Variants in RFT1 observed in about 807,000 individuals in gnomAD.
RFT1 encodes the protein RFT1 glycolipid translocator homolog, also known as man(5)GlcNAc(2)-PP-dolichol translocation protein RFT1.
In RFT1, 43 loss-of-function variants were observed where a neutral mutation model predicts 62.2. The observed-to-expected ratio is 0.69, with a 90% CI of 0.54 to 0.89. The LOEUF is 0.89. RFT1 is among the 40% of genes least tolerant of loss of function. The pLI, the probability that RFT1 is intolerant of heterozygous loss-of-function variation, is 0.00. For synonymous variants in RFT1, 262 were observed against 264.6 expected (o/e 0.99, Z 0.10); for missense variants, 605 against 649.9 (o/e 0.93, Z 0.75).
intron 11 of RFT1, among the ~76,000 whole-genome samples, chr3:53,098,998 G>A (rs1367964576): frequency 6.6e-6 from 1 of 152,130 alleles, no homozygotes; most frequent in Non-Finnish European, 1.5e-5. Flanking sequence ...GGGTAGGAAT[G>A]TGCATCTTGA....
At chr3:53,069,857 G>C in the RFT1 span, among the ~76,000 whole-genome samples, 1 of 152,248 alleles carries the variant, frequency 6.6e-6, no homozygotes. Flanking sequence ...GGTAAACCCT[G>C]TGGGTTTCCC....
rs748585320 is a variant in RFT1, at chr3:53,125,998, T to C, written c.64-4A>G. ...AGGTGATCAACCGAAACAACACCTA[T>C]AGAAAAAGAGGAAAAATACGTAAGA... On this transcript the variant is annotated splice_polypyrimidine_tract_variant and splice_region_variant and intron_variant, in intron 1 of 12. Coordinates refer to ENST00000296292, the MANE Select transcript of RFT1 (RefSeq NM_052859.4). 5.6e-6 allele frequency: 9 copies of C among 1,609,274 alleles called. No individual in the cohort carries two copies. The highest frequency in any genetic ancestry group is 1.6e-4 in the Middle Eastern group (1 of 6,080).
At chr3:53,127,047 A>C (rs931520124) in intron 1 of RFT1, among the ~76,000 whole-genome samples, 9 of 152,224 alleles carry the variant, frequency 5.9e-5, no homozygotes, top group South Asian at 4.1e-4. Context: ...AAAGCCAAGA[A>C]ATCACCATCT....
At chr3:53,128,818 C>G (rs1702182013) in intron 1 of RFT1, among the ~76,000 whole-genome samples, 1 of 152,174 alleles carries the variant, frequency 6.6e-6, no homozygotes, top group Non-Finnish European at 1.5e-5. Flanking sequence ...GCCAACTTTA[C>G]AGTTTTAACA....
At chr3:53,087,266 CCT>C (rs1043659825), downstream of RFT1, among the ~76,000 whole-genome samples, 13 of 152,244 alleles carry the variant, frequency 8.5e-5, no homozygotes, top group Admixed American at 3.3e-4. Context: ...AAGGATATCC[CCT>C]GTTCGGATTC....
chr3:53,084,188 T>C (rs2564929), downstream of RFT1, among the ~76,000 whole-genome samples: 108,550 of 152,200 alleles, frequency 0.71, 39,085 homozygotes, highest in East Asian at 0.86. Flanking sequence ...GTGAAAGGAC[T>C]GGCTCCTACA....
At chr3:53,103,350 A>G in intron 10 of RFT1, 1 of 880,584 alleles carries the variant, frequency 1.1e-6, no homozygotes, top group Non-Finnish European at 1.4e-6. Context: ...ACATTTTGAA[A>G]TTGATGAAGT....
chr3:53,111,801 C>T, intron 7 of RFT1, 29 bp downstream of exon 7: 12 of 1,586,146 alleles, frequency 7.6e-6, no homozygotes, highest in African/African-American at 1.3e-5. Flanking sequence ...CTATGGTCTC[C>T]CGACGATTCA....
At chr3:53,106,917 TTTA>T in intron 7 of RFT1, 48 bp from the exon 8 acceptor site, 1 of 1,408,512 alleles carries the variant, frequency 7.1e-7, no homozygotes, top group Non-Finnish European at 1.0e-6. Flanking sequence ...TGCACATTAC[TTTA>T]TTGTTTCCTT....
intron 11 of RFT1, among the ~76,000 whole-genome samples, chr3:53,094,794 C>T (rs571655070): frequency 3.0e-4 from 46 of 151,744 alleles, no homozygotes; most frequent in African/African-American, 9.7e-4. Context: ...CAAGCAGAGA[C>T]GCATTCGACA....
chr3:53,106,011 C>T (rs1286281676), intron 8 of RFT1, among the ~76,000 whole-genome samples: 1 of 152,076 alleles, frequency 6.6e-6, no homozygotes, highest in Non-Finnish European at 1.5e-5. Flanking sequence ...GGTGGGTGGA[C>T]TGCTTGAGCC....
chr3:53,077,276 G>A, the RFT1 span, among the ~76,000 whole-genome samples: 1 of 152,236 alleles, frequency 6.6e-6, no homozygotes, highest in African/African-American at 2.4e-5. Flanking sequence ...CTACACTAGG[G>A]TCTGTCTGTG....
At chr3:53,116,199 C>A (rs1018312957) in intron 6 of RFT1, among the ~76,000 whole-genome samples, 7 of 152,120 alleles carry the variant, frequency 4.6e-5, no homozygotes, top group African/African-American at 1.7e-4. Context: ...AGGAAGTCCC[C>A]AGTGCAGAAA....
chr3:53,101,745 G>C (rs1041337429), intron 10 of RFT1, among the ~76,000 whole-genome samples: 1 of 152,138 alleles, frequency 6.6e-6, no homozygotes, highest in Non-Finnish European at 1.5e-5. Context: ...CTTATAAAAA[G>C]GGGAAACTTG....
chr3:53,104,456 T>G (rs1369727689), intron 9 of RFT1, among the ~76,000 whole-genome samples: 1 of 152,096 alleles, frequency 6.6e-6, no homozygotes, highest in African/African-American at 2.4e-5. Flanking sequence ...CTCAAACTCC[T>G]GGCCTCAAGC....
At chr3:53,113,945 G>A (rs1701721224) in intron 6 of RFT1, among the ~76,000 whole-genome samples, 1 of 152,162 alleles carries the variant, frequency 6.6e-6, no homozygotes, top group Non-Finnish European at 1.5e-5. Flanking sequence ...CTCCCAAACA[G>A]TGCAGCCCTC....
At chr3:53,122,976 T>C (rs1702012734) in intron 3 of RFT1, among the ~76,000 whole-genome samples, 1 of 152,252 alleles carries the variant, frequency 6.6e-6, no homozygotes, top group South Asian at 2.1e-4. Context: ...CAGCTGTTCC[T>C]TGCATCCCAA....
intron 3 of RFT1, among the ~76,000 whole-genome samples, chr3:53,123,143 T>C (rs1242148237): frequency 6.6e-6 from 1 of 152,214 alleles, no homozygotes; most frequent in Non-Finnish European, 1.5e-5. Context: ...TAAGGAGTTA[T>C]GCAAGGGCAG....
chr3:53,108,011 T>C (rs1277096905), intron 7 of RFT1, among the ~76,000 whole-genome samples: 1 of 152,170 alleles, frequency 6.6e-6, no homozygotes, highest in Non-Finnish European at 1.5e-5. Context: ...CCACCCTCAC[T>C]GCTAACAGTT....
Sources: gnomAD v4.1 joint callset for allele counts (sites outside exome capture counted in the v4.1 genomes callset) on GRCh38, gnomAD v4.1.1 for gene constraint, MANE v1.5 for transcripts, NCBI Gene and HGNC (gene_info 2026-07-23, HGNC 2026-07-21) for gene names.